The following ZBTB41 variants were observed in gnomAD, a reference collection of about 807,000 sequenced individuals.
ZBTB41 encodes the protein zinc finger and BTB domain containing 41.
ZBTB41 carries 42 observed loss-of-function variants against 87.6 expected under a neutral mutation model. The observed-to-expected ratio is 0.48, with a 90% CI of 0.37 to 0.62. The LOEUF (loss-of-function observed/expected upper bound fraction) is 0.62, where lower values mean the gene tolerates loss of function less well. ZBTB41 is among the 20% of genes least tolerant of loss of function. The pLI is 0.00. For missense variants in ZBTB41, 799 were observed against 1,078.9 expected (o/e 0.74, Z 3.63); for synonymous variants, 364 against 364.0 (o/e 1.00, Z 0.00).
rs2125145228 is a variant in ZBTB41 at position 197,200,094 on chromosome 1, G to A, written c.380C>T (p.Thr127Ile). ...LSKNPSTDVVTLDHVTHSVFQ... is the reference protein window; with the variant it reads ...LSKNPSTDVVILDHVTHSVFQ... Reference sequence around the variant, plus strand: ...AACTGAATGTGTTACGTGATCCAGGGTGACAACATCAGTGCTTGGATTTTT... The same window carrying A: ...AACTGAATGTGTTACGTGATCCAGGATGACAACATCAGTGCTTGGATTTTT... Residue 127 changes from threonine (T) to isoleucine (I), a missense_variant, in exon 2 of 11, where the codon ACC becomes ATC. Thr to Ile is a moderately conservative substitution (Grantham distance 89). Transcript: ENST00000367405. 6.2e-7 allele frequency: 1 copy of A among 1,613,654 alleles called. No individual in the cohort carries two copies. Among genetic ancestry groups the A allele is most frequent in the South Asian group, 1.1e-5 (1 of 90,958 alleles).
At chr1:197,179,283 A>C (rs1156420047) in intron 6 of ZBTB41, among the ~76,000 whole-genome samples, 1 of 152,170 alleles carries the variant, frequency 6.6e-6, no homozygotes, top group African/African-American at 2.4e-5. Context: ...ATGCTGTCCC[A>C]TAAGATTACA....
intron 10 of ZBTB41, among the ~76,000 whole-genome samples, chr1:197,162,476 C>T (rs909532120): frequency 9.2e-5 from 14 of 152,006 alleles, no homozygotes; most frequent in African/African-American, 3.1e-4. Context: ...TAGTTAAAAT[C>T]GTAGAATCTA....
At chr1:197,160,371 G>A (rs1191856224) in intron 10 of ZBTB41, among the ~76,000 whole-genome samples, 1 of 152,094 alleles carries the variant, frequency 6.6e-6, no homozygotes, top group Non-Finnish European at 1.5e-5. Flanking sequence ...ACTGCACCTA[G>A]TACATAATAA....
intron 9 of ZBTB41, among the ~76,000 whole-genome samples, chr1:197,173,242 T>C (rs1405069376): frequency 6.6e-6 from 1 of 152,166 alleles, no homozygotes; most frequent in Non-Finnish European, 1.5e-5. Context: ...CATTGAGTTT[T>C]ACTGGAAATG....
intron 4 of ZBTB41, among the ~76,000 whole-genome samples, chr1:197,189,351 C>T (rs1372499428): frequency 6.6e-6 from 1 of 151,904 alleles, no homozygotes; most frequent in Non-Finnish European, 1.5e-5. Flanking sequence ...CATAGTGAAA[C>T]CCCATCACTA....
intron 2 of ZBTB41, among the ~76,000 whole-genome samples, chr1:197,197,113 C>G (rs1660182785): frequency 6.6e-6 from 1 of 151,980 alleles, no homozygotes; most frequent in Non-Finnish European, 1.5e-5. Context: ...AAGTGATTCC[C>G]TAGAATTACC....
At position 197,191,845 on chromosome 1, in the gene ZBTB41, T is replaced by A; in HGVS notation, c.1175A>T (p.Asp392Val). Residue 392 changes from aspartate (D) to valine (V), a missense_variant, in exon 3 of 11, where the codon GAT becomes GTT. Physicochemically the swap from Asp to Val is radical, Grantham distance 152 (BLOSUM62 -3). Transcript: ENST00000367405. ...TGTTGAATAGCGCTGGTGACAAATATCACACTCAAAGGGCTTCTCACCTGT... is the reference window on the plus strand; with the variant it reads ...TGTTGAATAGCGCTGGTGACAAATAACACACTCAAAGGGCTTCTCACCTGT... ...VHTGEKPFEC[D>V]ICHQRYSTKS... The A allele has an allele frequency of 6.2e-7, 1 of 1,613,826 alleles. No individual in the cohort carries two copies. Among genetic ancestry groups the A allele is most frequent in the African/African-American group, 1.3e-5 (1 of 75,004 alleles).
Position 197,181,006 on chromosome 1 carries a change from C to T in ZBTB41, c.1658G>A (p.Gly553Glu). 3 of 1,593,280 alleles carry T rather than the reference C, an allele frequency of 1.9e-6. No homozygotes were observed. The highest frequency in any genetic ancestry group is 2.6e-6 in the Non-Finnish European group (3 of 1,175,002). Residue 553 changes from glycine to glutamate, a missense_variant, in exon 6 of 11, where the codon GGA becomes GAA. Physicochemically the swap from Gly to Glu is moderately conservative, Grantham distance 98. Coordinates refer to ENST00000367405, the MANE Select transcript of ZBTB41 (RefSeq NM_194314.3). ...GKRKWTCFIC[G>E]KSVRERTTLK... ...TCTTCACCTTTCTCGTACTGATTTT[C>T]CACAGATAAAGCAAGTCCATTTTCT...
chr1:197,171,582 G>C (rs921213494), intron 10 of ZBTB41, among the ~76,000 whole-genome samples: 5 of 152,000 alleles, frequency 3.3e-5, no homozygotes, highest in Non-Finnish European at 7.4e-5. Context: ...AACATATTCT[G>C]TATTTCAAAA....
At chr1:197,170,276 C>T (rs981833746) in intron 10 of ZBTB41, among the ~76,000 whole-genome samples, 1 of 151,458 alleles carries the variant, frequency 6.6e-6, no homozygotes, top group African/African-American at 2.4e-5. Context: ...AAAAAAAAAT[C>T]TGAAGAACAA....
chr1:197,171,463 AGC>A (rs1659476366), intron 10 of ZBTB41, among the ~76,000 whole-genome samples: 1 of 152,096 alleles, frequency 6.6e-6, no homozygotes, highest in South Asian at 2.1e-4. Flanking sequence ...AAAACAAAGC[AGC>A]CATAAATACA....
chr1:197,197,661 A>G (rs11808524), intron 2 of ZBTB41, among the ~76,000 whole-genome samples: 11,857 of 151,980 alleles, frequency 0.078, 1,543 homozygotes, highest in African/African-American at 0.27. Flanking sequence ...CTTGAGCAGT[A>G]TTTTCCCAAA....
chr1:197,161,292 A>G (rs1314545754), intron 10 of ZBTB41, among the ~76,000 whole-genome samples: 2 of 152,172 alleles, frequency 1.3e-5, no homozygotes, highest in Non-Finnish European at 2.9e-5. Flanking sequence ...ACACAAAGGC[A>G]TTATTTTAAA....
chr1:197,173,309 G>A (rs1225883169), intron 9 of ZBTB41, among the ~76,000 whole-genome samples: 1 of 152,056 alleles, frequency 6.6e-6, no homozygotes, highest in African/African-American at 2.4e-5. Flanking sequence ...GATTTTAAAT[G>A]TCCCTCATTT....
intron 10 of ZBTB41, among the ~76,000 whole-genome samples, chr1:197,163,884 A>C (rs896212134): frequency 2.0e-5 from 3 of 152,112 alleles, no homozygotes; most frequent in Non-Finnish European, 4.4e-5. Flanking sequence ...GTCAGAAAAA[A>C]AATTACCTAT....
Position 197,188,358 on chromosome 1 carries a change from T to C in ZBTB41, c.1480A>G (p.Thr494Ala). The change falls in exon 5 of 11, where the codon ACC becomes GCC. Residue 494 changes from threonine (T) to alanine (A), a missense_variant. Thr to Ala is a moderately conservative substitution (Grantham distance 58). Coordinates refer to ENST00000367405, the MANE Select transcript of ZBTB41 (RefSeq NM_194314.3). The stretch of plus-strand genomic sequence containing the variant: ...GATTTAAAATGTTCTTCACAATAGG[T>C]ACACTTAAAAGGTTTATCTTGAGAA... Reference protein sequence around the residue: ...LHSQDKPFKCTYCEEHFKSRF... With the variant: ...LHSQDKPFKCAYCEEHFKSRF... 6.2e-7 allele frequency: 1 copy of C among 1,613,918 alleles called. No individual in the cohort carries two copies. Among genetic ancestry groups the C allele is most frequent in the Non-Finnish European group, 8.5e-7 (1 of 1,179,918 alleles).
Position 197,159,377 on chromosome 1 carries a change from C to T in ZBTB41, c.2712G>A (p.Thr904=), listed in dbSNP as rs199845141. 15 of 1,613,504 alleles carry T rather than the reference C, an allele frequency of 9.3e-6. No individual in the cohort carries two copies. The highest frequency in any genetic ancestry group is 3.3e-5 in the Admixed American group (2 of 59,980). Residue 904 remains threonine (T), a synonymous_variant, in exon 11 of 11, where the codon ACG becomes ACA. Coordinates refer to ENST00000367405, the MANE Select transcript of ZBTB41 (RefSeq NM_194314.3). ...DSTTGVQNIS[T]NEHHS ...GATTTACTCATGAATGATGCTCATT[C>T]GTAGAAATATTTTGAACACCAGTAG...
chr1:197,193,147 C>T (rs1660075781), intron 2 of ZBTB41, among the ~76,000 whole-genome samples: 1 of 152,092 alleles, frequency 6.6e-6, no homozygotes, highest in Non-Finnish European at 1.5e-5. Context: ...CGATTTTAAT[C>T]AAGCTAATAA....
rs115395882 is a variant in ZBTB41 at position 197,162,304 on chromosome 1, G to A, written c.2075-2290C>T. 6.9e-3 allele frequency among the ~76,000 whole-genome samples: 1,055 copies of A among 152,236 alleles called. 9 individuals carry two copies. Among genetic ancestry groups the A allele is most frequent in the African/African-American group, 0.023 (957 of 41,544 alleles). On this transcript the variant is annotated intron_variant, in intron 10 of 10. Transcript: ENST00000367405. ...ATTAAAGAAATAAACCTTCTACAGT[G>A]AGAGTTTCTATGGTAAAATTATGTA... is the stretch of plus-strand genomic sequence containing the variant.
Sources: allele counts gnomAD v4.1 joint callset (sites outside exome capture counted in the v4.1 genomes callset), GRCh38; gene constraint gnomAD v4.1.1; transcripts MANE v1.5; gene names NCBI Gene and HGNC (gene_info 2026-07-23, HGNC 2026-07-21).